CGGBP1: variants seen among roughly 807,000 people sequenced by gnomAD.
CGGBP1 encodes CGG triplet repeat binding protein 1.
CGGBP1 carries 4 observed loss-of-function variants against 11.4 expected under a neutral mutation model. That is an observed-to-expected ratio of 0.35 (90% CI 0.17 to 0.80). CGGBP1 has a LOEUF of 0.80. CGGBP1 is among the 30% of genes least tolerant of loss of function. CGGBP1 has a pLI of 0.52. For synonymous variants in CGGBP1, 76 were observed against 74.1 expected (o/e 1.03, Z -0.13); for missense variants, 135 against 202.1 (o/e 0.67, Z 2.01).
chr3:88,122,817 C>T (rs1705851998), intron 2 of CGGBP1, among the ~76,000 whole-genome samples: 1 of 151,900 alleles, frequency 6.6e-6, no homozygotes, highest in Non-Finnish European at 1.5e-5. Flanking sequence ...CGATACCAGC[C>T]TGGCCAGCAT....
chr3:88,081,440 T>C (rs927509923), intron 2 of CGGBP1, among the ~76,000 whole-genome samples: 4 of 152,200 alleles, frequency 2.6e-5, no homozygotes, highest in Non-Finnish European at 4.4e-5. Context: ...GCATGGATGT[T>C]GTCTGCAACA....
chr3:88,092,865 G>A (rs1300149163), intron 2 of CGGBP1, among the ~76,000 whole-genome samples: 2 of 152,126 alleles, frequency 1.3e-5, no homozygotes, highest in African/African-American at 2.4e-5. Context: ...GTATTGATCT[G>A]CCTTCTATCA....
At chr3:88,128,912 T>G in intron 2 of CGGBP1, 1 of 1,535,710 alleles carries the variant, frequency 6.5e-7, no homozygotes, top group Non-Finnish European at 8.7e-7. Flanking sequence ...TTATTAAATC[T>G]TGTATAAATC....
In CGGBP1 at chr3:88,141,283, A is replaced by G. The variant is rs572969226; in HGVS notation, c.-337-205T>C. On this transcript the variant is annotated intron_variant, in intron 1 of 3. Coordinates refer to the CGGBP1 transcript ENST00000462901. Reference sequence around the variant, plus strand: ...AAGTAATTTGCATAGGGCTTTGCCTATGAACTTGTGCAAGGCAGAACCTGA... The same window carrying G: ...AAGTAATTTGCATAGGGCTTTGCCTGTGAACTTGTGCAAGGCAGAACCTGA... Among the ~76,000 whole-genome samples, 44 of 152,236 alleles carry G rather than the reference A, an allele frequency of 2.9e-4. No homozygotes were observed. The South Asian group carries it at 8.7e-3, about 30-fold the overall frequency.
At chr3:88,078,610 G>A (rs564738906) in intron 2 of CGGBP1, among the ~76,000 whole-genome samples, 1 of 152,232 alleles carries the variant, frequency 6.6e-6, no homozygotes, top group Admixed American at 6.5e-5. Flanking sequence ...TGAATGGTTA[G>A]AAAAGGAGCT....
At chr3:88,059,215 A>T, upstream of CGGBP1, 2 of 1,477,834 alleles carry the variant, frequency 1.4e-6, no homozygotes, top group Non-Finnish European at 1.8e-6. Flanking sequence ...CCGGCTAGGG[A>T]GGAGGGAAGG....
intron 2 of CGGBP1, among the ~76,000 whole-genome samples, chr3:88,109,282 C>T (rs922524599): frequency 2.5e-4 from 38 of 151,902 alleles, no homozygotes; most frequent in Non-Finnish European, 3.4e-4. Context: ...GTCAACGTTA[C>T]CCACAATCAA....
In CGGBP1 at chr3:88,131,317, T is replaced by G. The variant is rs1276428342; in HGVS notation, c.-229+9653A>C. 3.3e-4 allele frequency among the ~76,000 whole-genome samples: 50 copies of G among 152,228 alleles called. 2 individuals carry two copies. Among genetic ancestry groups the G allele is most frequent in the Admixed American group, 3.3e-3 (50 of 15,278 alleles). On this transcript the variant is annotated intron_variant, in intron 2 of 3. Transcript: ENST00000462901. ...CACTGAAATGTTGTTACACTGCGTA[T>G]AACTGTAGTTTTTGAAGTATTATCA...
intron 2 of CGGBP1, among the ~76,000 whole-genome samples, chr3:88,117,822 T>A (rs79839207): frequency 6.6e-6 from 1 of 152,018 alleles, no homozygotes; most frequent in Non-Finnish European, 1.5e-5. Context: ...GTGGTGACAT[T>A]TGTTAAGGGA....
At chr3:88,066,921 G>C (rs55883959) in intron 2 of CGGBP1, among the ~76,000 whole-genome samples, 10,260 of 152,266 alleles carry the variant, frequency 0.067, 475 homozygotes, top group Non-Finnish European at 0.1. Context: ...ATATTAATAT[G>C]TAATGTTAAA....
intron 2 of CGGBP1, among the ~76,000 whole-genome samples, chr3:88,085,430 T>C (rs1023699248): frequency 6.6e-6 from 1 of 152,204 alleles, no homozygotes; most frequent in African/African-American, 2.4e-5. Context: ...AAGTGATTTT[T>C]TTTCCAACCA....
chr3:88,139,781 G>T (rs1707005677), intron 2 of CGGBP1: 3 of 1,554,482 alleles, frequency 1.9e-6, no homozygotes, highest in Middle Eastern at 1.7e-4. Context: ...AGGAGGAAGA[G>T]GATGAAGAAG....
In CGGBP1 at chr3:88,121,514, G is replaced by A. The variant is rs181333111; in HGVS notation, c.-229+19456C>T. 5.0e-3 allele frequency among the ~76,000 whole-genome samples: 760 copies of A among 152,116 alleles called. 19 individuals are homozygous for A. The South Asian group carries it at 0.066, about 13-fold the overall frequency. On this transcript the variant is annotated intron_variant, in intron 2 of 3. Coordinates refer to the CGGBP1 transcript ENST00000462901. The stretch of plus-strand genomic sequence containing the variant: ...TGTCCCCTTTATTTTATATGGGCAA[G>A]CTCAGAATGATTAATTTTTGAAAAT...
Position 88,055,338 on chromosome 3 carries a change from C to T in CGGBP1, c.*135G>A. 1 of 774,620 alleles carries T rather than the reference C, an allele frequency of 1.3e-6. No individual in the cohort carries two copies. Among genetic ancestry groups the T allele is most frequent in the East Asian group, 2.9e-5 (1 of 34,276 alleles). 48.0% of individuals were successfully genotyped at this position (774,620 alleles called of 1,614,324 possible). A position where few individuals can be genotyped will look rare whatever the true frequency, so the allele number is the denominator to read the frequency against. On this transcript the variant is annotated 3_prime_UTR_variant, in exon 4 of 4. Coordinates refer to ENST00000482016, the MANE Select transcript of CGGBP1 (RefSeq NM_001008390.2). The surrounding 1 kb of genome is among the most constrained non-coding windows in gnomAD (Gnocchi z 4.2). Reference sequence around the variant, plus strand: ...AGTGAGGTGGTTTTTTTTTTGCCTGCAACTATATACACATTGCAAAACTAT... The same window carrying T: ...AGTGAGGTGGTTTTTTTTTTGCCTGTAACTATATACACATTGCAAAACTAT...
At chr3:88,102,813 C>T (rs2107723965) in intron 2 of CGGBP1, among the ~76,000 whole-genome samples, 1 of 86,238 alleles carries the variant, frequency 1.2e-5, no homozygotes, top group African/African-American at 3.6e-5. Flanking sequence ...TCAACCTCTA[C>T]TGTCTTTTTT....
In CGGBP1 at chr3:88,053,989, A is replaced by G. The variant is rs1411943303; in HGVS notation, c.*1484T>C. The G allele has an allele frequency of 1.3e-5, 2 of 152,618 alleles. No individual in the cohort carries two copies. The highest frequency in any genetic ancestry group is 2.1e-4 in the South Asian group (1 of 4,834). 9.5% of individuals were successfully genotyped at this position (152,618 alleles called of 1,614,324 possible). ...TCAAATGGCCAGTTTGACAACCTGA[A>G]TTAGAAACTTAAGTCTGTAAAAAAA... is the stretch of plus-strand genomic sequence containing the variant. On this transcript the variant is annotated 3_prime_UTR_variant, in exon 4 of 4. Coordinates refer to ENST00000482016, the MANE Select transcript of CGGBP1 (RefSeq NM_001008390.2).
At chr3:88,115,587 T>C (rs1705341884) in intron 2 of CGGBP1, among the ~76,000 whole-genome samples, 1 of 152,244 alleles carries the variant, frequency 6.6e-6, no homozygotes, top group East Asian at 1.9e-4. Flanking sequence ...TTAGATTTAT[T>C]ATTTTCTTCC....
upstream of CGGBP1, among the ~76,000 whole-genome samples, chr3:88,063,798 C>CT (rs1304312825): frequency 3.3e-5 from 5 of 151,738 alleles, no homozygotes; most frequent in East Asian, 9.7e-4. Context: ...GCCATACTAT[C>CT]ATTTGCTCTT....
intron 2 of CGGBP1, among the ~76,000 whole-genome samples, chr3:88,101,257 C>T (rs75329932): frequency 1.1e-4 from 17 of 152,242 alleles, no homozygotes; most frequent in African/African-American, 3.4e-4. Context: ...AGAAAGCTCC[C>T]TCATGCTCAT....
Sources: allele counts gnomAD v4.1 joint callset (sites outside exome capture counted in the v4.1 genomes callset), GRCh38; gene constraint gnomAD v4.1.1; non-coding constraint Gnocchi (gnomAD v3.1); transcripts MANE v1.5; gene names NCBI Gene and HGNC (gene_info 2026-07-23, HGNC 2026-07-21).